Variants in SLC39A11 observed in about 807,000 individuals in gnomAD.
The protein encoded by SLC39A11 is solute carrier family 39 member 11, also known as zinc transporter ZIP11.
SLC39A11 carries 33 observed loss-of-function variants against 36.1 expected under a neutral mutation model. That is an observed-to-expected ratio of 0.91 (90% CI 0.69 to 1.22). The LOEUF (loss-of-function observed/expected upper bound fraction) is 1.22, where lower values mean the gene tolerates loss of function less well. Ranked by LOEUF, SLC39A11 falls within the 50% of genes most tolerant of loss-of-function variation. The probability of loss-of-function intolerance (pLI) is 0.00; values close to 1 mark genes in which losing one functional copy is unlikely to be tolerated. For synonymous variants in SLC39A11, 166 were observed against 170.3 expected (o/e 0.97, Z 0.20); for missense variants, 432 against 430.3 (o/e 1.00, Z -0.03).
At chr17:72,966,303 G>A (rs1007112914) in intron 4 of SLC39A11, among the ~76,000 whole-genome samples, 4 of 152,164 alleles carry the variant, frequency 2.6e-5, no homozygotes, top group Non-Finnish European at 5.9e-5. Context: ...TGACCTCCAC[G>A]CAAGCCGGCC....
chr17:72,772,793 A>G lies in SLC39A11; in HGVS notation c.602-36074T>C, dbSNP rs191878098. ...TAGAGAAGGGAGAGAGGAAAGAGAG[A>G]AATGCACAGGCTGGGCGCAGTGGCT... On this transcript the variant is annotated intron_variant, in intron 6 of 9. Coordinates refer to ENST00000255559, the MANE Select transcript of SLC39A11 (RefSeq NM_139177.4). Among the ~76,000 whole-genome samples the G allele has an allele frequency of 5.7e-4, 87 of 152,266 alleles. 1 individual carries two copies. Among genetic ancestry groups the G allele is most frequent in the Non-Finnish European group, 8.5e-4 (58 of 67,996 alleles).
chr17:72,696,217 G>T (rs116571370), intron 7 of SLC39A11, among the ~76,000 whole-genome samples: 8 of 151,980 alleles, frequency 5.3e-5, no homozygotes, highest in African/African-American at 1.9e-4. Flanking sequence ...TTTCAGTTGC[G>T]GTCCAAGGTG....
At chr17:72,670,043 TAC>T (rs1409405108) in intron 7 of SLC39A11, among the ~76,000 whole-genome samples, 1 of 146,966 alleles carries the variant, frequency 6.8e-6, no homozygotes, top group East Asian at 2.0e-4. Flanking sequence ...CACATATATA[TAC>T]GTATAGATGT....
chr17:72,734,717 G>C (rs1457893254), intron 7 of SLC39A11, among the ~76,000 whole-genome samples: 1 of 152,228 alleles, frequency 6.6e-6, no homozygotes, highest in Non-Finnish European at 1.5e-5. Context: ...GATGTCGCGG[G>C]GGACGTGGTG....
At chr17:72,744,769 C>G (rs1229482799) in intron 6 of SLC39A11, among the ~76,000 whole-genome samples, 1 of 152,172 alleles carries the variant, frequency 6.6e-6, no homozygotes, top group East Asian at 1.9e-4. Context: ...GCTCCAACCT[C>G]AAAGCCTAAT....
At chr17:72,905,618 G>A (rs2082617460) in intron 5 of SLC39A11, among the ~76,000 whole-genome samples, 1 of 151,850 alleles carries the variant, frequency 6.6e-6, no homozygotes, top group Non-Finnish European at 1.5e-5. Flanking sequence ...AGAAGACAAG[G>A]TCTCTCTTGG....
At chr17:73,010,643 G>A (rs1337432271) in intron 4 of SLC39A11, among the ~76,000 whole-genome samples, 1 of 152,128 alleles carries the variant, frequency 6.6e-6, no homozygotes, top group South Asian at 2.1e-4. Context: ...AAGGTCGCTC[G>A]AAAAATGCTT....
intron 7 of SLC39A11, among the ~76,000 whole-genome samples, chr17:72,665,392 T>TTTTG (rs2070695466): frequency 8.7e-6 from 1 of 114,576 alleles, no homozygotes; most frequent in African/African-American, 3.2e-5. Flanking sequence ...TTGAGGTGTT[T>TTTTG]TTTTTTTTTT....
At chr17:73,047,225 C>T (rs999380194) in intron 3 of SLC39A11, among the ~76,000 whole-genome samples, 11 of 151,772 alleles carry the variant, frequency 7.2e-5, no homozygotes, top group Non-Finnish European at 1.6e-4. Context: ...GGGGTTGCAC[C>T]GTGTTAGCCA....
intron 4 of SLC39A11, among the ~76,000 whole-genome samples, chr17:73,003,823 T>C (rs900094283): frequency 6.6e-5 from 10 of 152,090 alleles, no homozygotes; most frequent in East Asian, 1.9e-4. Flanking sequence ...CGGTGGCTCA[T>C]GCCTATAATC....
chr17:73,090,588 C>T (rs1449525492), intron 1 of SLC39A11, among the ~76,000 whole-genome samples: 1 of 152,184 alleles, frequency 6.6e-6, no homozygotes. Context: ...AGGGATCATC[C>T]TCTTAGTACT....
chr17:72,978,321 A>G (rs1413252509), intron 4 of SLC39A11, among the ~76,000 whole-genome samples: 1 of 152,144 alleles, frequency 6.6e-6, no homozygotes, highest in African/African-American at 2.4e-5. Context: ...TGTTGGCGAC[A>G]CGGCCAAGAA....
At chr17:72,936,411 T>TAAAAAAAAAAAAAAAA (rs746428868) in intron 5 of SLC39A11, among the ~76,000 whole-genome samples, 3 of 73,446 alleles carry the variant, frequency 4.1e-5, no homozygotes, top group African/African-American at 1.5e-4. Flanking sequence ...TGAAAAAAAG[T>TAAAAAAAAAAAAAAAA]AAAAAAAAAA....
At chr17:72,709,607 T>C (rs1309672772) in intron 7 of SLC39A11, among the ~76,000 whole-genome samples, 6 of 152,148 alleles carry the variant, frequency 3.9e-5, no homozygotes, top group African/African-American at 1.4e-4. Context: ...GGCAAAGAAA[T>C]GATGAAGGAA....
intron 7 of SLC39A11, among the ~76,000 whole-genome samples, chr17:72,662,531 AAGAG>A (rs1445614492): frequency 8.1e-6 from 1 of 124,086 alleles, no homozygotes; most frequent in African/African-American, 3.1e-5. Context: ...AAGAGAAAGA[AAGAG>A]AGAAAGAAAG....
intron 6 of SLC39A11, among the ~76,000 whole-genome samples, chr17:72,785,776 T>G (rs767880877): frequency 1.3e-5 from 2 of 152,194 alleles, no homozygotes; most frequent in Non-Finnish European, 2.9e-5. Flanking sequence ...ATCCTGCCCA[T>G]TGGATTTGCA....
At chr17:72,798,446 C>T (rs1360100031) in intron 6 of SLC39A11, among the ~76,000 whole-genome samples, 3 of 149,066 alleles carry the variant, frequency 2.0e-5, no homozygotes, top group African/African-American at 5.0e-5. Context: ...TGGAGCCTCA[C>T]TCTGTTGCCC....
intron 7 of SLC39A11, among the ~76,000 whole-genome samples, chr17:72,699,028 A>G (rs1306806430): frequency 2.0e-5 from 3 of 152,050 alleles, no homozygotes; most frequent in Non-Finnish European, 2.9e-5. Context: ...ACGGGGTTTC[A>G]CCATGTTAGC....
chr17:73,028,462 A>T (rs766023671), intron 4 of SLC39A11, among the ~76,000 whole-genome samples: 6 of 152,186 alleles, frequency 3.9e-5, no homozygotes, highest in Non-Finnish European at 8.8e-5. Context: ...GACTGTTTCC[A>T]AGCACAACTC....
Sources: allele counts gnomAD v4.1 joint callset (sites outside exome capture counted in the v4.1 genomes callset), GRCh38; gene constraint gnomAD v4.1.1; transcripts MANE v1.5; gene names NCBI Gene and HGNC (gene_info 2026-07-23, HGNC 2026-07-21).